Variants in RBM33 observed in about 807,000 individuals in gnomAD.
The protein encoded by RBM33 is RNA-binding protein 33.
A neutral mutation model predicts 132.6 loss-of-function variants in RBM33; 28 were observed. The ratio of observed to expected loss-of-function variants is 0.21; its 90% confidence interval spans 0.16 to 0.29. The LOEUF (loss-of-function observed/expected upper bound fraction) is 0.29. RBM33 is among the 10% of genes least tolerant of loss of function. The pLI, the probability that RBM33 is intolerant of heterozygous loss-of-function variation, is 1.00. For synonymous variants in RBM33, 634 were observed against 593.0 expected (o/e 1.07, Z -1.01); for missense variants, 1,291 against 1,518.5 (o/e 0.85, Z 2.49).
At chr7:155,737,463 T>G in intron 9 of RBM33, 67 bp from the exon 10 acceptor site, 2 of 1,486,498 alleles carry the variant, frequency 1.3e-6, no homozygotes, top group Non-Finnish European at 1.8e-6. Flanking sequence ...AGGTCTATAT[T>G]TCTAAAAATT....
Position 155,652,593 on chromosome 7 carries a change from A to G in RBM33, c.43+7674A>G, listed in dbSNP as rs556512079. On this transcript the variant is annotated intron_variant, in intron 1 of 17. Transcript: ENST00000401878. ...TTAACTGTAGATGTCTGATTGCTGC[A>G]TGATAGAGAATTGTAGAAATCTAGT... Among the ~76,000 whole-genome samples the G allele has an allele frequency of 3.3e-5, 5 of 152,360 alleles. No homozygotes were observed. In the East Asian group the frequency reaches 5.8e-4, roughly 18 times the overall value.
chr7:155,745,080 G>A lies in RBM33; in HGVS notation c.2457G>A (p.Arg819=), dbSNP rs748349212. ...GGCGGCAGCAGCAGGCTGGTGCCAG[G>A]AAGAAGGAGCTGCTGGAGAGACTCG... ...ELRRQQQAGA[R]KKELLERLAQ... The change falls in exon 14 of 18, where the codon AGG becomes AGA. Residue 819 remains arginine (R), a synonymous_variant. Coordinates refer to ENST00000401878, the MANE Select transcript of RBM33 (RefSeq NM_053043.3). The surrounding 1 kb of genome is among the most constrained non-coding windows in gnomAD (Gnocchi z 4.1). 1 of 1,604,564 alleles carries A rather than the reference G, an allele frequency of 6.2e-7. No individual in the cohort carries two copies. Among genetic ancestry groups the A allele is most frequent in the South Asian group, 1.1e-5 (1 of 89,798 alleles).
chr7:155,673,940 G>GTTGTTGTTGTTTTTTTTTTTT, intron 3 of RBM33, among the ~76,000 whole-genome samples: 1 of 54,214 alleles, frequency 1.8e-5, no homozygotes, highest in African/African-American at 8.3e-5. Context: ...TTTAGGCTTA[G>GTTGTTGTTGTTTTTTTTTTTT]TTTTTTTTTT....
chr7:155,745,298 A>G lies in RBM33; in HGVS notation c.2675A>G (p.Asn892Ser), dbSNP rs781113728. The stretch of plus-strand genomic sequence containing the variant: ...TCAAACGTTCAGCCCAAAACATCCA[A>G]TTTTGTACCATCCAGTGCCAACATG... Reference protein sequence around the residue: ...SISNVQPKTSNFVPSSANMQY... With the variant: ...SISNVQPKTSSFVPSSANMQY... Residue 892 changes from asparagine (N) to serine (S), a missense_variant, in exon 14 of 18, where the codon AAT becomes AGT. Physicochemically the swap from Asn to Ser is conservative, Grantham distance 46 (BLOSUM62 1). Transcript: ENST00000401878. The surrounding 1 kb of genome is among the most constrained non-coding windows in gnomAD (Gnocchi z 4.1). 8 of 1,613,046 alleles carry G rather than the reference A, an allele frequency of 5.0e-6. No homozygotes were observed. The highest frequency in any genetic ancestry group is 4.4e-5 in the South Asian group (4 of 90,812).
chr7:155,762,637 C>T (rs1338492808), intron 14 of RBM33, among the ~76,000 whole-genome samples: 1 of 152,166 alleles, frequency 6.6e-6, no homozygotes, highest in Non-Finnish European at 1.5e-5. Flanking sequence ...ATCCCATGTT[C>T]CTTCTTTTTG....
intron 6 of RBM33, among the ~76,000 whole-genome samples, chr7:155,702,931 GC>G (rs1004813885): frequency 1.3e-5 from 2 of 151,956 alleles, no homozygotes; most frequent in Non-Finnish European, 2.9e-5. Context: ...ACAAATGGGG[GC>G]TTTCCCCAAC....
chr7:155,773,778 A>T (rs1407905485), intron 16 of RBM33, among the ~76,000 whole-genome samples: 1 of 152,036 alleles, frequency 6.6e-6, no homozygotes, highest in Admixed American at 6.6e-5. Context: ...TAGATCCTAA[A>T]GGCTTAAGAA....
At chr7:155,673,020 AT>A in intron 3 of RBM33, 105 bp downstream of exon 3, 2 of 641,686 alleles carry the variant, frequency 3.1e-6, no homozygotes, top group African/African-American at 1.9e-5. Flanking sequence ...AAAGTTGGGT[AT>A]AGATTAAAAT....
intron 15 of RBM33, among the ~76,000 whole-genome samples, chr7:155,766,142 A>G (rs1048214714): frequency 3.6e-5 from 5 of 138,156 alleles, no homozygotes; most frequent in African/African-American, 1.4e-4. Flanking sequence ...CATTTGCAGC[A>G]AGTTTCTCAG....
chr7:155,664,846 T>G (rs991496557), intron 1 of RBM33, among the ~76,000 whole-genome samples: 3 of 152,170 alleles, frequency 2.0e-5, no homozygotes, highest in Admixed American at 6.5e-5. Flanking sequence ...ATGTCACATT[T>G]TTTTTCTTTC....
chr7:155,737,713 A>T, intron 10 of RBM33, 51 bp downstream of exon 10: 1 of 1,484,600 alleles, frequency 6.7e-7, no homozygotes, highest in Non-Finnish European at 9.0e-7. Flanking sequence ...GCATTGGGTG[A>T]TGTGCCCAAA....
At chr7:155,658,903 C>G (rs1208677701) in intron 1 of RBM33, among the ~76,000 whole-genome samples, 2 of 152,174 alleles carry the variant, frequency 1.3e-5, no homozygotes, top group South Asian at 2.1e-4. Flanking sequence ...ATTTTCATCC[C>G]CCTCTGCTGA....
In RBM33 at chr7:155,745,983, A is replaced by G. The variant is rs1178439477; in HGVS notation, c.2979+381A>G. On this transcript the variant is annotated intron_variant, in intron 14 of 17. Coordinates refer to ENST00000401878, the MANE Select transcript of RBM33 (RefSeq NM_053043.3). The surrounding 1 kb of genome is among the most constrained non-coding windows in gnomAD (Gnocchi z 4.1). Reference sequence around the variant, plus strand: ...GATGAGTAGTTGTGTGTCGAAATGTATCTTAGTGAAGGTACAGTAAAAATA... The same window carrying G: ...GATGAGTAGTTGTGTGTCGAAATGTGTCTTAGTGAAGGTACAGTAAAAATA... Among the ~76,000 whole-genome samples the G allele has an allele frequency of 6.6e-6, 1 of 152,222 alleles. No individual in the cohort carries two copies. Among genetic ancestry groups the G allele is most frequent in the African/African-American group, 2.4e-5 (1 of 41,458 alleles).
At position 155,777,039 on chromosome 7, in the gene RBM33, G is replaced by A. The variant is rs1331414705; in HGVS notation, c.*1998G>A. The A allele has an allele frequency of 6.6e-6, 1 of 151,866 alleles. No individual in the cohort carries two copies. The highest frequency in any genetic ancestry group is 1.5e-5 in the Non-Finnish European group (1 of 67,978). 9.4% of individuals were successfully genotyped at this position (151,866 alleles called of 1,614,324 possible). Reference sequence around the variant, plus strand: ...AGGGCTTACTGATACAATGAAATGAGTTTCATGACTTTTTTTTTTTTTAAA... The same window carrying A: ...AGGGCTTACTGATACAATGAAATGAATTTCATGACTTTTTTTTTTTTTAAA... On this transcript the variant is annotated 3_prime_UTR_variant, in exon 18 of 18. Coordinates refer to ENST00000401878, the MANE Select transcript of RBM33 (RefSeq NM_053043.3).
At chr7:155,645,982 C>T (rs1213309815) in intron 1 of RBM33, among the ~76,000 whole-genome samples, 1 of 152,186 alleles carries the variant, frequency 6.6e-6, no homozygotes, top group Non-Finnish European at 1.5e-5. Flanking sequence ...TGCCACTTTT[C>T]TTTCAGTTTA....
chr7:155,747,351 CT>C (rs1329782006), intron 14 of RBM33, among the ~76,000 whole-genome samples: 1 of 152,068 alleles, frequency 6.6e-6, no homozygotes, highest in Non-Finnish European at 1.5e-5. Flanking sequence ...GTGTTACAGA[CT>C]TTTTTTAAGA....
chr7:155,668,558 C>T (rs1006957199), intron 2 of RBM33, among the ~76,000 whole-genome samples: 2 of 152,258 alleles, frequency 1.3e-5, no homozygotes, highest in African/African-American at 2.4e-5. Context: ...TCCTTGGGGG[C>T]TGGTGAACTT....
At chr7:155,701,815 G>A (rs1799974423) in intron 6 of RBM33, among the ~76,000 whole-genome samples, 1 of 152,148 alleles carries the variant, frequency 6.6e-6, no homozygotes, top group African/African-American at 2.4e-5. Flanking sequence ...AGCCTCCCGA[G>A]TAGCTGGGTC....
intron 9 of RBM33, among the ~76,000 whole-genome samples, chr7:155,724,990 T>TTGTGTGTGTGTGTGTGTGTG (rs56739117): frequency 2.4e-5 from 3 of 123,366 alleles, no homozygotes; most frequent in South Asian, 5.3e-4. Context: ...GTGTACAGGT[T>TTGTGTGTGTGTGTGTGTGTG]TGTGTGTGTG....
Sources: allele counts gnomAD v4.1 joint callset (sites outside exome capture counted in the v4.1 genomes callset), GRCh38; gene constraint gnomAD v4.1.1; non-coding constraint Gnocchi (gnomAD v3.1); transcripts MANE v1.5; gene names NCBI Gene and HGNC (gene_info 2026-07-23, HGNC 2026-07-21).